CCDC175: variants seen among roughly 807,000 people sequenced by gnomAD.
CCDC175 encodes coiled-coil domain-containing protein 175.
In CCDC175, 100 loss-of-function variants were observed where a neutral mutation model predicts 114.6. The ratio of observed to expected loss-of-function variants is 0.87; its 90% CI spans 0.74 to 1.03. The LOEUF (loss-of-function observed/expected upper bound fraction) is 1.03. Among genes scored for constraint, CCDC175 ranks in the 50% least tolerant of loss-of-function variants. The pLI is 0.00. For synonymous variants in CCDC175, 306 were observed against 308.7 expected (o/e 0.99, Z 0.09); for missense variants, 880 against 917.8 (o/e 0.96, Z 0.53).
chr14:59,569,994 G>A (rs529387053), intron 3 of CCDC175, among the ~76,000 whole-genome samples: 11 of 152,268 alleles, frequency 7.2e-5, no homozygotes, highest in African/African-American at 2.2e-4. Context: ...TCATTAGATC[G>A]TAAAGAAGTT....
intron 7 of CCDC175, among the ~76,000 whole-genome samples, chr14:59,553,990 A>T (rs886300813): frequency 2.0e-5 from 3 of 152,186 alleles, no homozygotes; most frequent in African/African-American, 7.2e-5. Flanking sequence ...CTGGAAAGAG[A>T]CTTAGACTCC....
At chr14:59,552,094 C>T (rs1895542014) in intron 7 of CCDC175, among the ~76,000 whole-genome samples, 1 of 152,204 alleles carries the variant, frequency 6.6e-6, no homozygotes. Context: ...TTTAAACGTC[C>T]ATGTCTGACA....
chr14:59,552,809 C>T (rs961122653), intron 7 of CCDC175, among the ~76,000 whole-genome samples: 6 of 152,116 alleles, frequency 3.9e-5, no homozygotes, highest in Non-Finnish European at 5.9e-5. Flanking sequence ...ACGTGAACTA[C>T]GTGACAAATG....
At chr14:59,563,655 T>C (rs1007401402) in intron 6 of CCDC175, 82 bp downstream of exon 6, 2 of 847,676 alleles carry the variant, frequency 2.4e-6, no homozygotes, top group Non-Finnish European at 3.2e-6. Context: ...CAGCATGACA[T>C]GAAGATGAAT....
chr14:59,555,826 C>A (rs1309264976), intron 7 of CCDC175, among the ~76,000 whole-genome samples: 1 of 152,136 alleles, frequency 6.6e-6, no homozygotes, highest in Admixed American at 6.5e-5. Flanking sequence ...CAATAACAGA[C>A]AAACAGAGAG....
Position 59,568,457 on chromosome 14 carries a change from G to C in CCDC175, c.356-77C>G, listed in dbSNP as rs180748978. 4.9e-5 allele frequency: 57 copies of C among 1,154,888 alleles called. No individual in the cohort carries two copies. In the African/African-American group the frequency reaches 8.6e-4, roughly 17 times the overall value. The allele number at this position is 1,154,888 out of a possible 1,614,324, so 71.5% of individuals were successfully genotyped here. On this transcript the variant is annotated intron_variant, in intron 3 of 19. Coordinates refer to ENST00000537690, the MANE Select transcript of CCDC175 (RefSeq NM_001164399.2). ...TAGATACTGACTTTCACGCAAAAAA[G>C]CTTTCTTTGAAATATTCTTTTAATA...
At chr14:59,561,291 C>T in intron 6 of CCDC175, 63 bp from the exon 7 acceptor site, 1 of 756,180 alleles carries the variant, frequency 1.3e-6, no homozygotes, top group Non-Finnish European at 2.2e-6. Context: ...AACAGCAGTT[C>T]AATTCCACTC....
At chr14:59,535,874 G>T (rs1239553586) in intron 13 of CCDC175, among the ~76,000 whole-genome samples, 1 of 152,100 alleles carries the variant, frequency 6.6e-6, no homozygotes, top group East Asian at 1.9e-4. Context: ...CTCCTTCAGG[G>T]TCAGCTCAGC....
chr14:59,541,523 T>G (rs189257479), intron 10 of CCDC175, among the ~76,000 whole-genome samples: 8 of 152,218 alleles, frequency 5.3e-5, no homozygotes, highest in Admixed American at 3.3e-4. Flanking sequence ...GGAAACACTC[T>G]TAAATAAACT....
chr14:59,505,342 A>C (rs761738395), intron 19 of CCDC175, 27 bp from the exon 20 acceptor site: 1 of 1,321,310 alleles, frequency 7.6e-7, no homozygotes, highest in Non-Finnish European at 1.0e-6. Context: ...TAAATATAAA[A>C]ATTTTATTTG....
intron 12 of CCDC175, 49 bp downstream of exon 12, chr14:59,538,656 C>A: frequency 7.2e-7 from 1 of 1,387,536 alleles, no homozygotes; most frequent in Non-Finnish European, 9.6e-7. Flanking sequence ...AGGAGAATTG[C>A]TGATATGCAA....
At chr14:59,529,014 C>T (rs1893911960) in intron 14 of CCDC175, among the ~76,000 whole-genome samples, 1 of 152,136 alleles carries the variant, frequency 6.6e-6, no homozygotes, top group South Asian at 2.1e-4. Flanking sequence ...TTCAGTTTCT[C>T]TTTCACACTG....
intron 7 of CCDC175, among the ~76,000 whole-genome samples, chr14:59,557,430 C>T (rs1214553649): frequency 7.3e-6 from 1 of 136,594 alleles, no homozygotes; most frequent in East Asian, 2.1e-4. Context: ...AACACATGGA[C>T]ACAGGAAGGG....
At chr14:59,574,885 A>AAAGTTTGAAGAAATATGTGG in intron 2 of CCDC175, 58 bp downstream of exon 2, 1 of 931,170 alleles carries the variant, frequency 1.1e-6, no homozygotes, top group Non-Finnish European at 1.6e-6. Context: ...GTGCGAAATG[A>AAAGTTTGAAGAAATATGTGG]AAGTTTGAAG....
At chr14:59,538,293 G>C (rs906314750) in intron 12 of CCDC175, 139 bp from the exon 13 acceptor site, 6 of 699,890 alleles carry the variant, frequency 8.6e-6, no homozygotes, top group East Asian at 3.1e-5. Flanking sequence ...CAACCACTGA[G>C]AGGAATATTT....
chr14:59,513,756 C>A (rs1420503392), intron 17 of CCDC175, among the ~76,000 whole-genome samples: 1 of 152,210 alleles, frequency 6.6e-6, no homozygotes, highest in Non-Finnish European at 1.5e-5. Flanking sequence ...CATTGCCAAA[C>A]AAAAGGCAGC....
intron 17 of CCDC175, among the ~76,000 whole-genome samples, chr14:59,515,733 C>T (rs527826840): frequency 1.3e-5 from 2 of 152,242 alleles, no homozygotes; most frequent in South Asian, 4.1e-4. Flanking sequence ...CTTTAACACC[C>T]CACTGTCAAC....
chr14:59,562,620 G>A (rs918292822), intron 6 of CCDC175, among the ~76,000 whole-genome samples: 1 of 152,130 alleles, frequency 6.6e-6, no homozygotes, highest in Non-Finnish European at 1.5e-5. Flanking sequence ...GGGAAGTGGG[G>A]AAGGACCCGG....
chr14:59,533,948 C>T (rs572366653), intron 13 of CCDC175, among the ~76,000 whole-genome samples: 14 of 147,650 alleles, frequency 9.5e-5, no homozygotes, highest in African/African-American at 3.5e-4. Flanking sequence ...TAGATCGCGC[C>T]ACTGCACTCC....
Sources: allele counts gnomAD v4.1 joint callset (sites outside exome capture counted in the v4.1 genomes callset), GRCh38; gene constraint gnomAD v4.1.1; transcripts MANE v1.5; gene names NCBI Gene and HGNC (gene_info 2026-07-23, HGNC 2026-07-21).